Variants in ARL1 observed in about 807,000 individuals in gnomAD.
The protein encoded by ARL1 is ADP-ribosylation factor-like protein 1.
A neutral mutation model predicts 30.1 loss-of-function variants in ARL1; 17 were observed. The ratio of observed to expected loss-of-function variants is 0.56; its 90% confidence interval spans 0.39 to 0.85. The LOEUF (loss-of-function observed/expected upper bound fraction) is 0.85. Among genes scored for constraint, ARL1 ranks in the 40% least tolerant of loss-of-function variants. The pLI, the probability that ARL1 is intolerant of heterozygous loss-of-function variation, is 0.00. For synonymous variants in ARL1, 58 were observed against 71.7 expected (o/e 0.81, Z 0.97); for missense variants, 102 against 212.6 (o/e 0.48, Z 3.24).
chr12:101,398,257 G>A (rs546441467), intron 4 of ARL1, among the ~76,000 whole-genome samples: 1 of 151,808 alleles, frequency 6.6e-6, no homozygotes, highest in South Asian at 2.1e-4. Flanking sequence ...TTAGCCGGGT[G>A]TGGTGGTGTG....
chr12:101,402,791 G>T, intron 3 of ARL1, 74 bp downstream of exon 3: 2 of 1,018,596 alleles, frequency 2.0e-6, no homozygotes, highest in East Asian at 2.5e-5. Context: ...ACATATTCGG[G>T]TTTACTGATT....
At chr12:101,407,540 G>T in intron 1 of ARL1, 102 bp downstream of exon 1, 1 of 1,493,274 alleles carries the variant, frequency 6.7e-7, no homozygotes, top group Non-Finnish European at 9.1e-7. Context: ...TGAGGAGCTG[G>T]CTACTCTAGG....
chr12:101,398,177 C>G (rs1871200962), intron 4 of ARL1, among the ~76,000 whole-genome samples: 1 of 151,856 alleles, frequency 6.6e-6, no homozygotes, highest in African/African-American at 2.4e-5. Context: ...GTGGGTGGAT[C>G]ACCAGGTCAG....
At position 101,407,768 on chromosome 12, in the gene ARL1, G is replaced by T; in HGVS notation, c.-123C>A. ...CTTCCACGTCGGACTCCAGGCGGGG[G>T]CGGGAGCGAGGGTCAGCTGCGACTG... On this transcript the variant is annotated 5_prime_UTR_variant, in exon 1 of 6. Transcript: ENST00000261636. 1 of 1,448,412 alleles carries T rather than the reference G, an allele frequency of 6.9e-7. No homozygotes were observed. The highest frequency in any genetic ancestry group is 9.6e-7 in the Non-Finnish European group (1 of 1,041,498). The allele number at this position is 1,448,412 out of a possible 1,614,324, so 89.7% of individuals were successfully genotyped here. A position where few individuals can be genotyped will look rare whatever the true frequency, so the allele number is the denominator to read the frequency against.
intron 2 of ARL1, chr12:101,403,547 C>T (rs183618903): frequency 3.5e-4 from 63 of 178,280 alleles, no homozygotes; most frequent in African/African-American, 1.4e-3. Flanking sequence ...TTCAATCTCA[C>T]AGCCCATCTG....
At chr12:101,407,251 A>G (rs1242046829) in intron 1 of ARL1, 1 of 257,706 alleles carries the variant, frequency 3.9e-6, no homozygotes, top group Admixed American at 5.4e-5. Context: ...GCCGCAGCTC[A>G]TCTTTCACCA....
chr12:101,406,105 G>A (rs1436307923), intron 1 of ARL1, 124 bp from the exon 2 acceptor site: 11 of 747,582 alleles, frequency 1.5e-5, no homozygotes, highest in Non-Finnish European at 2.3e-5. Context: ...TGGATGCGTA[G>A]GTGCATATTT....
At chr12:101,407,546 C>G in intron 1 of ARL1, 96 bp downstream of exon 1, 1 of 1,551,316 alleles carries the variant, frequency 6.4e-7, no homozygotes, top group East Asian at 2.3e-5. Flanking sequence ...GCTGGCTACT[C>G]TAGGGTATCC....
rs1408486349 is a variant in ARL1 at position 101,394,847 on chromosome 12, T to G, written c.*793A>C. 6.6e-6 allele frequency: 1 copy of G among 152,192 alleles called. No individual in the cohort carries two copies. The highest frequency in any genetic ancestry group is 1.5e-5 in the Non-Finnish European group (1 of 68,038). 9.4% of individuals were successfully genotyped at this position (152,192 alleles called of 1,614,324 possible). On this transcript the variant is annotated 3_prime_UTR_variant, in exon 6 of 6. Coordinates refer to ENST00000261636, the MANE Select transcript of ARL1 (RefSeq NM_001177.6). ...ATTTTTGGGAATATATAGTATAGTTTATGAGTCAAGCTTCTGAACCAAAAG... is the reference window on the plus strand; with the variant it reads ...ATTTTTGGGAATATATAGTATAGTTGATGAGTCAAGCTTCTGAACCAAAAG...
chr12:101,405,065 T>A (rs895431729), intron 2 of ARL1, among the ~76,000 whole-genome samples: 1 of 152,068 alleles, frequency 6.6e-6, no homozygotes, highest in Non-Finnish European at 1.5e-5. Context: ...GAGATGGGGT[T>A]TCTCCATGTT....
At chr12:101,406,375 C>T (rs758732828) in intron 1 of ARL1, among the ~76,000 whole-genome samples, 1 of 152,160 alleles carries the variant, frequency 6.6e-6, no homozygotes, top group Non-Finnish European at 1.5e-5. Flanking sequence ...AGGAAAAGTA[C>T]TGTACAGCAG....
chr12:101,401,211 G>A, intron 3 of ARL1, 38 bp from the exon 4 acceptor site: 1 of 1,432,246 alleles, frequency 7.0e-7, no homozygotes, highest in African/African-American at 1.4e-5. Flanking sequence ...TATTGTTATT[G>A]TTTTAAGGAA....
chr12:101,395,560 G>C lies in ARL1; in HGVS notation c.*80C>G, dbSNP rs1871127361. 9.0e-7 allele frequency: 1 copy of C among 1,115,778 alleles called. No homozygotes were observed. Among genetic ancestry groups the C allele is most frequent in the Non-Finnish European group, 1.3e-6 (1 of 754,202 alleles). The allele number at this position is 1,115,778 out of a possible 1,614,324, so 69.1% of individuals were successfully genotyped here. A position where few individuals can be genotyped will look rare whatever the true frequency, so the allele number is the denominator to read the frequency against. On this transcript the variant is annotated 3_prime_UTR_variant, in exon 6 of 6. Coordinates refer to ENST00000261636, the MANE Select transcript of ARL1 (RefSeq NM_001177.6). Reference sequence around the variant, plus strand: ...AATAATCATATAGTTTTAACATCTAGTAGTGTGAAGTACACTTGACTGTTT... The same window carrying C: ...AATAATCATATAGTTTTAACATCTACTAGTGTGAAGTACACTTGACTGTTT...
chr12:101,396,457 A>G lies in ARL1; in HGVS notation c.457T>C (p.Trp153Arg). ...GTTGCTGACGTTTTGAATATCTGCCATTTTCGGTCCTTCAAGGCAGGTAAC... is the reference window on the plus strand; with the variant it reads ...GTTGCTGACGTTTTGAATATCTGCCGTTTTCGGTCCTTCAAGGCAGGTAAC... Reference protein sequence around the residue: ...LGLPALKDRKWQIFKTSATKG... With the variant: ...LGLPALKDRKRQIFKTSATKG... The change falls in exon 5 of 6, where the codon TGG (tryptophan) becomes CGG (arginine). Residue 153 changes from tryptophan (W) to arginine (R), a missense_variant. Transcript: ENST00000261636. The G allele has an allele frequency of 6.2e-7, 1 of 1,613,934 alleles. No homozygotes were observed. The highest frequency in any genetic ancestry group is 8.5e-7 in the Non-Finnish European group (1 of 1,179,880).
Position 101,402,918 on chromosome 12 carries a change from C to T in ARL1, c.171G>A (p.Thr57=), listed in dbSNP as rs375724509. The T allele has an allele frequency of 3.7e-5, 60 of 1,612,650 alleles. No homozygotes were observed. The highest frequency in any genetic ancestry group is 9.3e-5 in the African/African-American group (7 of 74,874). ...PTIGFNVETV[T]YKNLKFQVWD... Reference sequence around the variant, plus strand: ...AGACTTGGAATTTAAGGTTTTTGTACGTCACCGTCTCTACATTAAATCCAA... The same window carrying T: ...AGACTTGGAATTTAAGGTTTTTGTATGTCACCGTCTCTACATTAAATCCAA... Residue 57 remains threonine, a synonymous_variant, in exon 3 of 6, where the codon ACG becomes ACA. Transcript: ENST00000261636.
Position 101,401,076 on chromosome 12 carries a change from C to T in ARL1, c.322G>A (p.Val108Ile), listed in dbSNP as rs1159806718. ...DRIGISKSEL[V>I]AMLEEEELRK... ...CGTTTTCTTACCTCCAACATGGCAA[C>T]TAACTCTGATTTGGAAATGCCAATT... Residue 108 changes from valine (V) to isoleucine (I), a missense_variant, in exon 4 of 6, where the codon GTT (valine) becomes ATT (isoleucine). Physicochemically the swap from Val to Ile is conservative, Grantham distance 29 (BLOSUM62 3). Coordinates refer to ENST00000261636, the MANE Select transcript of ARL1 (RefSeq NM_001177.6). 6.2e-7 allele frequency: 1 copy of T among 1,612,996 alleles called. No homozygotes were observed. The highest frequency in any genetic ancestry group is 1.1e-5 in the South Asian group (1 of 91,026).
rs1871066917 is a variant in ARL1 at position 101,393,522 on chromosome 12, G to GTATA, written c.*2114_*2117dup. 6.6e-6 allele frequency: 1 copy of GTATA among 152,162 alleles called. No individual in the cohort carries two copies. Among genetic ancestry groups the GTATA allele is most frequent in the Admixed American group, 6.6e-5 (1 of 15,266 alleles). 9.4% of individuals were successfully genotyped at this position (152,162 alleles called of 1,614,324 possible). ...ATAAAACAATATTCAGATTTGCCAT[G>GTATA]TATATATCAATATCCAAACGCTGGT... On this transcript the variant is annotated 3_prime_UTR_variant, in exon 6 of 6. Transcript: ENST00000261636.
At position 101,395,565 on chromosome 12, in the gene ARL1, G is replaced by A; in HGVS notation, c.*75C>T. On this transcript the variant is annotated 3_prime_UTR_variant, in exon 6 of 6. Transcript: ENST00000261636. Reference sequence around the variant, plus strand: ...TCATATAGTTTTAACATCTAGTAGTGTGAAGTACACTTGACTGTTTCCAAA... The same window carrying A: ...TCATATAGTTTTAACATCTAGTAGTATGAAGTACACTTGACTGTTTCCAAA... The A allele has an allele frequency of 3.3e-6, 4 of 1,202,704 alleles. No individual in the cohort carries two copies. Among genetic ancestry groups the A allele is most frequent in the Non-Finnish European group, 4.8e-6 (4 of 831,128 alleles). The allele number at this position is 1,202,704 out of a possible 1,614,324, so 74.5% of individuals were successfully genotyped here.
At chr12:101,402,719 GA>G in intron 3 of ARL1, 145 bp downstream of exon 3, 1 of 485,302 alleles carries the variant, frequency 2.1e-6, no homozygotes, top group Non-Finnish European at 3.6e-6. Flanking sequence ...ATGCTCTAAG[GA>G]AATAGTTCCC....
Sources: allele counts gnomAD v4.1 joint callset (sites outside exome capture counted in the v4.1 genomes callset), GRCh38; gene constraint gnomAD v4.1.1; transcripts MANE v1.5; gene names NCBI Gene and HGNC (gene_info 2026-07-23, HGNC 2026-07-21).